Variants in SIGLEC10 observed in about 807,000 individuals in gnomAD.
SIGLEC10 encodes the protein sialic acid binding Ig like lectin 10.
Under a neutral mutation model 68.3 loss-of-function variants are expected in SIGLEC10, and 45 were observed. That is an observed-to-expected ratio of 0.66 (90% confidence interval 0.52 to 0.84). The LOEUF (loss-of-function observed/expected upper bound fraction) is 0.84. Ranked by LOEUF, SIGLEC10 falls within the 40% of genes least tolerant of loss-of-function variation. SIGLEC10 has a pLI of 0.00. For missense variants in SIGLEC10, 789 were observed against 883.1 expected (o/e 0.89, Z 1.35); for synonymous variants, 379 against 370.8 (o/e 1.02, Z -0.26).
Position 51,415,239 on chromosome 19 carries a change from G to A in SIGLEC10, c.1272C>T (p.Thr424=). ...RVQVEHEGEF[T]CHARHPLGSQ... ...AGCCCAGTGGGTGCCGAGCGTGGCAGGTGAACTCTCCTTCGTGCTCCACTT... is the reference window on the plus strand; with the variant it reads ...AGCCCAGTGGGTGCCGAGCGTGGCAAGTGAACTCTCCTTCGTGCTCCACTT... Residue 424 remains threonine (T), a synonymous_variant, in exon 7 of 11, where the codon ACC becomes ACT. Transcript: ENST00000339313. The A allele has an allele frequency of 1.9e-6, 3 of 1,614,018 alleles. No individual in the cohort carries two copies. The highest frequency in any genetic ancestry group is 2.5e-6 in the Non-Finnish European group (3 of 1,179,916).
At position 51,414,618 on chromosome 19, in the gene SIGLEC10, G is replaced by A; in HGVS notation, c.1616-103C>T. ...GCTTCCGGTTCCCATGGCGGACATT[G>A]TATCTGCAACCCCTCTGTTTACTTT... On this transcript the variant is annotated intron_variant, in intron 8 of 10. Transcript: ENST00000339313. This position sits in a 1 kb window ranked among gnomAD's most constrained non-coding sequence, Gnocchi z 4.1. The A allele has an allele frequency of 7.3e-7, 1 of 1,375,468 alleles. No individual in the cohort carries two copies. The highest frequency in any genetic ancestry group is 1.2e-5 in the South Asian group (1 of 83,608). 85.2% of individuals were successfully genotyped at this position (1,375,468 alleles called of 1,614,324 possible). A position where few individuals can be genotyped will look rare whatever the true frequency, so the allele number is the denominator to read the frequency against.
In SIGLEC10 at chr19:51,417,597, G is replaced by A. The variant is rs559561977; in HGVS notation, c.-16C>T. ...GCAGTAGCATCTCCGCATAGGAGGC[G>A]CAGGGCCTGCCTGAGACAGGCCTGT... is the stretch of plus-strand genomic sequence containing the variant. On this transcript the variant is annotated 5_prime_UTR_variant, in exon 1 of 11. Coordinates refer to ENST00000339313, the MANE Select transcript of SIGLEC10 (RefSeq NM_033130.5). 9.9e-6 allele frequency: 16 copies of A among 1,614,082 alleles called. No homozygotes were observed. The African/African-American group carries it at 1.3e-4, about 13-fold the overall frequency.
At position 51,417,274 on chromosome 19, in the gene SIGLEC10, G is replaced by T. The variant is rs754722752; in HGVS notation, c.229C>A (p.His77Asn). The part of the protein sequence containing the change: ...TTKGAPVATN[H>N]QSREVEMSTR... ...CTCATTTCCACCTCTCGACTCTGGTGGTTTGTGGCCACAGGAGCACCCTTG... is the reference window on the plus strand; with the variant it reads ...CTCATTTCCACCTCTCGACTCTGGTTGTTTGTGGCCACAGGAGCACCCTTG... The change falls in exon 2 of 11, where the codon CAC (histidine) becomes AAC (asparagine). Residue 77 changes from histidine to asparagine, a missense_variant. By Grantham distance (68) the His-to-Asn change is moderately conservative. Transcript: ENST00000339313. 1.2e-6 allele frequency: 2 copies of T among 1,614,218 alleles called. No individual in the cohort carries two copies. The highest frequency in any genetic ancestry group is 1.7e-6 in the Non-Finnish European group (2 of 1,180,030).
At position 51,415,959 on chromosome 19, in the gene SIGLEC10, G is replaced by A. The variant is rs1420217093; in HGVS notation, c.963C>T (p.Tyr321=). ...CAAGCCTGTTCTCCGCTCGGCAGGT[G>A]TAGCGCCCTGAATCCCCAGCCTTCA... ...PGVKAGDSGR[Y]TCRAENRLGS... The change falls in exon 5 of 11, where the codon TAC becomes TAT. Residue 321 remains tyrosine, a synonymous_variant. Transcript: ENST00000339313. 3 of 1,613,534 alleles carry A rather than the reference G, an allele frequency of 1.9e-6. No individual in the cohort carries two copies. Among genetic ancestry groups the A allele is most frequent in the East Asian group, 2.2e-5 (1 of 44,870 alleles).
intron 5 of SIGLEC10, 49 bp from the exon 6 acceptor site, chr19:51,415,664 C>G: frequency 6.2e-7 from 1 of 1,613,744 alleles, no homozygotes; most frequent in Non-Finnish European, 8.5e-7. Context: ...GGGCTTCCCT[C>G]TGGGTAAAGG....
intron 10 of SIGLEC10, among the ~76,000 whole-genome samples, chr19:51,411,706 C>T (rs576568473): frequency 3.9e-5 from 6 of 152,230 alleles, no homozygotes; most frequent in Non-Finnish European, 8.8e-5. Context: ...ATTAGCCGGG[C>T]GTGGTGACAC....
chr19:51,416,149 T>G lies in SIGLEC10; in HGVS notation c.773A>C (p.Gln258Pro), dbSNP rs1405496389. ...DNTPALEPQP[Q>P]GNVPYLEAQK... The stretch of plus-strand genomic sequence containing the variant: ...GGCTTCCAGGTATGGGACATTTCCC[T>G]GGGGCTGGGGCTCCAGGGCTGGAGT... The change falls in exon 5 of 11, where the codon CAG becomes CCG. Residue 258 changes from glutamine to proline, a missense_variant. Gln to Pro is a moderately conservative substitution (Grantham distance 76). Coordinates refer to ENST00000339313, the MANE Select transcript of SIGLEC10 (RefSeq NM_033130.5). 20 of 1,601,110 alleles carry G rather than the reference T, an allele frequency of 1.2e-5. No homozygotes were observed. In the Middle Eastern group the frequency reaches 1.0e-3, roughly 80 times the overall value.
chr19:51,417,320 G>A lies in SIGLEC10; in HGVS notation c.183C>T (p.Phe61=), dbSNP rs142646348. The A allele has an allele frequency of 1.2e-6, 2 of 1,614,076 alleles. No individual in the cohort carries two copies. Among genetic ancestry groups the A allele is most frequent in the African/African-American group, 2.7e-5 (2 of 74,906 alleles). The stretch of plus-strand genomic sequence containing the variant: ...CCTTGGTTGTCTCAGTCACTGCTTT[G>A]AACCAGTAGCCATAAGCTGGGGTAG... ...TGSTPAYGYW[F]KAVTETTKGA... is the part of the protein sequence containing the mutation. The change falls in exon 2 of 11, where the codon TTC becomes TTT. Residue 61 remains phenylalanine, a synonymous_variant. Coordinates refer to ENST00000339313, the MANE Select transcript of SIGLEC10 (RefSeq NM_033130.5).
chr19:51,415,498 G>A (rs372483205), intron 6 of SIGLEC10, 60 bp from the exon 7 acceptor site: 1 of 1,613,850 alleles, frequency 6.2e-7, no homozygotes, highest in Non-Finnish European at 8.5e-7. Context: ...CTCCTGCGTG[G>A]GGACCCTCCA....
chr19:51,415,355 G>A lies in SIGLEC10; in HGVS notation c.1156C>T (p.Pro386Ser). The A allele has an allele frequency of 3.1e-6, 5 of 1,613,252 alleles. No individual in the cohort carries two copies. Among genetic ancestry groups the A allele is most frequent in the Non-Finnish European group, 4.2e-6 (5 of 1,179,526 alleles). Residue 386 changes from proline to serine, a missense_variant, in exon 7 of 11, where the codon CCC becomes TCC. Physicochemically the swap from Pro to Ser is moderately conservative, Grantham distance 74. Coordinates refer to ENST00000339313, the MANE Select transcript of SIGLEC10 (RefSeq NM_033130.5). Reference sequence around the variant, plus strand: ...TGGGTCCAGCTCAGCCTGGCTGGGGGGCTGCTGTGTGTGACACAGACCAGG... The same window carrying A: ...TGGGTCCAGCTCAGCCTGGCTGGGGAGCTGCTGTGTGTGACACAGACCAGG... Reference protein sequence around the residue: ...LCLVCVTHSSPPARLSWTQRG... With the variant: ...LCLVCVTHSSSPARLSWTQRG...
chr19:51,416,677 AG>A lies in SIGLEC10; in HGVS notation c.694del (p.Leu232SerfsTer55). ...CAGGCCACACTCACAGGCCACACGG[AG>A]TCGGACGGTCCTCTGTGCGCTCACA... ...KGVSAQRTVR[L>X]RVAYAPRDLV... On this transcript the variant is annotated frameshift_variant, in exon 3 of 11. Coordinates refer to ENST00000339313, the MANE Select transcript of SIGLEC10 (RefSeq NM_033130.5). LOFTEE classifies it high-confidence loss of function. 1 of 1,613,578 alleles carries A rather than the reference AG, an allele frequency of 6.2e-7. No individual in the cohort carries two copies. Among genetic ancestry groups the A allele is most frequent in the African/African-American group, 1.3e-5 (1 of 75,006 alleles).
chr19:51,416,585 C>A, intron 3 of SIGLEC10, 81 bp downstream of exon 3: 1 of 1,596,774 alleles, frequency 6.3e-7, no homozygotes, highest in Non-Finnish European at 8.5e-7. Flanking sequence ...AGCTGGGAGC[C>A]GCTCACTGTC....
rs765803556 is a variant in SIGLEC10, at chr19:51,413,841, C to A, written c.1710-18G>T. 4.4e-6 allele frequency: 7 copies of A among 1,602,452 alleles called. No homozygotes were observed. The East Asian group carries it at 1.6e-4, about 36-fold the overall frequency. On this transcript the variant is annotated intron_variant, in intron 9 of 10. Transcript: ENST00000339313. ...TCTTCATGCTGAGGAAATGAACCCA[C>A]CTGTTTGTGCCCTGCTGCACCTCCC...
chr19:51,412,222 C>T lies in SIGLEC10; in HGVS notation c.1822-851G>A, dbSNP rs182434160. Among the ~76,000 whole-genome samples the T allele has an allele frequency of 2.5e-3, 373 of 151,318 alleles. 1 individual carries two copies. The highest frequency in any genetic ancestry group is 8.3e-3 in the African/African-American group (342 of 41,162). On this transcript the variant is annotated intron_variant, in intron 10 of 10. Coordinates refer to ENST00000339313, the MANE Select transcript of SIGLEC10 (RefSeq NM_033130.5). ...AGAGAAAGACTGGAGGGGGTGAGAA[C>T]GGAAGCAGAGAAGGCATGCAGAAGG...
At position 51,410,992 on chromosome 19, in the gene SIGLEC10, A is replaced by AG. The variant is rs1987946302; in HGVS notation, c.*106_*107insC. 1.3e-5 allele frequency: 14 copies of AG among 1,040,744 alleles called. No individual in the cohort carries two copies. Among genetic ancestry groups the AG allele is most frequent in the African/African-American group, 1.1e-4 (6 of 55,578 alleles). The allele number at this position is 1,040,744 out of a possible 1,614,324, so 64.5% of individuals were successfully genotyped here. A position where few individuals can be genotyped will look rare whatever the true frequency, so the allele number is the denominator to read the frequency against. ...AGAGAGAAAGAGAGAGAGAGAGAGA[A>AG]AGAGAGAGAGAGAGGGAGAGAAGGA... On this transcript the variant is annotated 3_prime_UTR_variant, in exon 11 of 11. Coordinates refer to ENST00000339313, the MANE Select transcript of SIGLEC10 (RefSeq NM_033130.5).
chr19:51,416,652 C>T lies in SIGLEC10; in HGVS notation c.706+14G>A. ...GGGCTGTCTGCACACCCCACCCTCC[C>T]AGGCCACACTCACAGGCCACACGGA... On this transcript the variant is annotated intron_variant, in intron 3 of 10. Coordinates refer to ENST00000339313, the MANE Select transcript of SIGLEC10 (RefSeq NM_033130.5). 6 of 1,612,684 alleles carry T rather than the reference C, an allele frequency of 3.7e-6. No individual in the cohort carries two copies. Among genetic ancestry groups the T allele is most frequent in the South Asian group, 1.1e-5 (1 of 91,014 alleles).
At chr19:51,411,583 C>T (rs1378318228) in intron 10 of SIGLEC10, among the ~76,000 whole-genome samples, 1 of 152,112 alleles carries the variant, frequency 6.6e-6, no homozygotes, top group African/African-American at 2.4e-5. Context: ...ATTTGAGCAC[C>T]TTTAGAAGGC....
intron 10 of SIGLEC10, among the ~76,000 whole-genome samples, chr19:51,412,634 C>A (rs909331679): frequency 1.3e-5 from 2 of 151,850 alleles, no homozygotes; most frequent in African/African-American, 2.4e-5. Flanking sequence ...ATCACCATGC[C>A]CAGGTAATTT....
Position 51,410,385 on chromosome 19 carries a change from C to T in SIGLEC10, c.*714G>A, listed in dbSNP as rs1987897170. 1 of 152,270 alleles carries T rather than the reference C, an allele frequency of 6.6e-6. No individual in the cohort carries two copies. Among genetic ancestry groups the T allele is most frequent in the East Asian group, 1.9e-4 (1 of 5,198 alleles). 9.4% of individuals were successfully genotyped at this position (152,270 alleles called of 1,614,324 possible). On this transcript the variant is annotated 3_prime_UTR_variant, in exon 11 of 11. Coordinates refer to ENST00000339313, the MANE Select transcript of SIGLEC10 (RefSeq NM_033130.5). ...ACGGACCTCCTGTCTCATCCTGTGA[C>T]TTAGAATGCCTCCACTGTCTGAGAA...
Sources: gnomAD v4.1 joint callset for allele counts (sites outside exome capture counted in the v4.1 genomes callset) on GRCh38, gnomAD v4.1.1 for gene constraint, Gnocchi (gnomAD v3.1) non-coding constraint, MANE v1.5 for transcripts, NCBI Gene and HGNC (gene_info 2026-07-23, HGNC 2026-07-21) for gene names.